HSD17B11: variants seen among roughly 807,000 people sequenced by gnomAD.
The protein encoded by HSD17B11 is hydroxysteroid 17-beta dehydrogenase 11, also known as estradiol 17-beta-dehydrogenase 11.
HSD17B11 carries 22 observed loss-of-function variants against 27.8 expected under a neutral mutation model. That is an observed-to-expected ratio of 0.79 (90% CI 0.56 to 1.13). HSD17B11 has a LOEUF of 1.13. Ranked by LOEUF, HSD17B11 falls within the 50% of genes most tolerant of loss-of-function variation. HSD17B11 has a pLI of 0.00. For synonymous variants in HSD17B11, 117 were observed against 132.8 expected (o/e 0.88, Z 0.82); for missense variants, 314 against 351.1 (o/e 0.89, Z 0.84).
chr4:87,382,417 G>A (rs1312533153), intron 1 of HSD17B11, 55 bp from the exon 2 acceptor site: 29 of 1,007,838 alleles, frequency 2.9e-5, no homozygotes, highest in East Asian at 1.9e-4. Flanking sequence ...ATATTATATC[G>A]ACAGCTGAAA....
intron 1 of HSD17B11, chr4:87,385,746 T>A (rs1005883611): frequency 6.6e-6 from 1 of 151,920 alleles, no homozygotes; most frequent in Non-Finnish European, 1.5e-5. Context: ...AAACCCTGCC[T>A]CTACTAAAAA....
At chr4:87,382,710 T>C (rs1720207913) in intron 1 of HSD17B11, among the ~76,000 whole-genome samples, 1 of 152,232 alleles carries the variant, frequency 6.6e-6, no homozygotes, top group South Asian at 2.1e-4. Flanking sequence ...CTTTTTTCCA[T>C]GTCATTAAAA....
intron 2 of HSD17B11, among the ~76,000 whole-genome samples, chr4:87,378,871 T>TACATAAATATATATATATAA (rs1720014115): frequency 3.8e-5 from 1 of 26,238 alleles, no homozygotes; most frequent in Non-Finnish European, 5.8e-5. Context: ...TATATAAATA[T>TACATAAATATATATATATAA]ATATATATAA....
At chr4:87,376,297 G>A (rs1478661008) in intron 2 of HSD17B11, among the ~76,000 whole-genome samples, 2 of 152,136 alleles carry the variant, frequency 1.3e-5, no homozygotes, top group Admixed American at 6.5e-5. Context: ...TTGAGGTCAG[G>A]AATCGGAGAC....
At position 87,382,307 on chromosome 4, in the gene HSD17B11, G is replaced by C; in HGVS notation, c.266C>G (p.Thr89Ser). 6.2e-7 allele frequency: 1 copy of C among 1,613,952 alleles called. No homozygotes were observed. Among genetic ancestry groups the C allele is most frequent in the Non-Finnish European group, 8.5e-7 (1 of 1,179,928 alleles). ...TCGGTTGCTGCAGTCTACCACAAAGGTATGAACCTTGGCACCCAGTCCCTT... is the reference window on the plus strand; with the variant it reads ...TCGGTTGCTGCAGTCTACCACAAAGCTATGAACCTTGGCACCCAGTCCCTT... ...KCKGLGAKVHTFVVDCSNRED... is the reference protein window; with the variant it reads ...KCKGLGAKVHSFVVDCSNRED... Residue 89 changes from threonine (T) to serine (S), a missense_variant, in exon 2 of 7, where the codon ACC (threonine) becomes AGC (serine). Transcript: ENST00000358290.
intron 4 of HSD17B11, among the ~76,000 whole-genome samples, chr4:87,369,941 A>G (rs1035902070): frequency 6.6e-6 from 1 of 152,248 alleles, no homozygotes; most frequent in Non-Finnish European, 1.5e-5. Context: ...ATTTTAGAAT[A>G]GAATCAAAAG....
Position 87,337,190 on chromosome 4 carries a change from A to G in HSD17B11, c.*86T>C. On this transcript the variant is annotated 3_prime_UTR_variant, in exon 7 of 7. Coordinates refer to ENST00000358290, the MANE Select transcript of HSD17B11 (RefSeq NM_016245.5). Reference sequence around the variant, plus strand: ...TTGAAGAAATGGGGATAATTAGAAAAAACAGAAGTTCAAACATTAAAATTC... The same window carrying G: ...TTGAAGAAATGGGGATAATTAGAAAGAACAGAAGTTCAAACATTAAAATTC... 2 of 845,168 alleles carry G rather than the reference A, an allele frequency of 2.4e-6. No homozygotes were observed. The highest frequency in any genetic ancestry group is 4.0e-6 in the Non-Finnish European group (2 of 499,126). The allele number at this position is 845,168 out of a possible 1,614,324, so 52.4% of individuals were successfully genotyped here.
At chr4:87,365,658 G>A (rs1235107070) in intron 4 of HSD17B11, among the ~76,000 whole-genome samples, 1 of 152,038 alleles carries the variant, frequency 6.6e-6, no homozygotes, top group African/African-American at 2.4e-5. Flanking sequence ...AATAAAAGTT[G>A]CTAGAAGTTA....
At position 87,341,237 on chromosome 4, in the gene HSD17B11, T is replaced by C. The variant is rs570243570; in HGVS notation, c.696-631A>G. Among the ~76,000 whole-genome samples, 7 of 152,210 alleles carry C rather than the reference T, an allele frequency of 4.6e-5. No homozygotes were observed. In the East Asian group the frequency reaches 1.4e-3, roughly 29 times the overall value. Reference sequence around the variant, plus strand: ...CCCAGGCTGGAGTGCAGTGGTGAGATCTTGGCTCACTGCAACCTCCACCTA... The same window carrying C: ...CCCAGGCTGGAGTGCAGTGGTGAGACCTTGGCTCACTGCAACCTCCACCTA... On this transcript the variant is annotated intron_variant, in intron 5 of 6. Transcript: ENST00000358290.
chr4:87,362,901 T>C (rs1735543133), intron 4 of HSD17B11, among the ~76,000 whole-genome samples: 1 of 152,224 alleles, frequency 6.6e-6, no homozygotes, highest in African/African-American at 2.4e-5. Context: ...CAGGCAATAC[T>C]TTCCGTCTCT....
intron 2 of HSD17B11, among the ~76,000 whole-genome samples, chr4:87,379,300 A>ATATTTC (rs944741784): frequency 6.6e-6 from 1 of 150,852 alleles, no homozygotes; most frequent in Admixed American, 6.6e-5. Context: ...TCCAGCAGAT[A>ATATTTC]TATTTCTATA....
intron 5 of HSD17B11, among the ~76,000 whole-genome samples, chr4:87,346,228 G>A (rs191107769): frequency 2.0e-4 from 31 of 152,232 alleles, no homozygotes; most frequent in Admixed American, 3.3e-4. Flanking sequence ...ACGTTCCTTC[G>A]TGATAAAAAC....
intron 3 of HSD17B11, 119 bp downstream of exon 3, chr4:87,374,580 C>A: frequency 1.1e-6 from 1 of 875,474 alleles, no homozygotes; most frequent in Admixed American, 2.7e-5. Context: ...ATAATGTTAT[C>A]CCTGGTGCCT....
chr4:87,388,043 A>G (rs920014965), intron 1 of HSD17B11, among the ~76,000 whole-genome samples: 4 of 152,126 alleles, frequency 2.6e-5, no homozygotes, highest in South Asian at 4.1e-4. Context: ...CCAGAGTAAA[A>G]AGCCAAAATA....
At chr4:87,378,831 A>AAT (rs370260155) in intron 2 of HSD17B11, among the ~76,000 whole-genome samples, 15 of 21,910 alleles carry the variant, frequency 6.8e-4, no homozygotes, top group Admixed American at 3.8e-3. Flanking sequence ...TATATATATA[A>AAT]ATATATATAT....
chr4:87,363,913 T>C (rs1248880286), intron 4 of HSD17B11, among the ~76,000 whole-genome samples: 2 of 152,184 alleles, frequency 1.3e-5, no homozygotes, highest in African/African-American at 2.4e-5. Flanking sequence ...GGAGTTTACC[T>C]TTGGTAAAGT....
intron 4 of HSD17B11, among the ~76,000 whole-genome samples, chr4:87,360,845 C>T (rs1241858161): frequency 1.3e-5 from 2 of 152,062 alleles, no homozygotes; most frequent in African/African-American, 4.8e-5. Context: ...ACTAGTGGCA[C>T]GTATGTGCAG....
rs1247051947 is a variant in HSD17B11 at position 87,379,660 on chromosome 4, TTA to T, written c.318+2593_318+2594del. 2.1e-5 allele frequency among the ~76,000 whole-genome samples: 3 copies of T among 145,028 alleles called. No homozygotes were observed. In the East Asian group the frequency reaches 5.9e-4, roughly 28 times the overall value. ...CATATTATATGTATATGTATGTATA[TTA>T]TATATTAATAGTATAATATAGTATT... On this transcript the variant is annotated intron_variant, in intron 2 of 6. Transcript: ENST00000358290.
rs775876659 is a variant in HSD17B11 at position 87,390,911 on chromosome 4, A to T, written c.160T>A (p.Tyr54Asn). 43 of 1,614,084 alleles carry T rather than the reference A, an allele frequency of 2.7e-5. No individual in the cohort carries two copies. The highest frequency in any genetic ancestry group is 8.3e-5 in the Admixed American group (5 of 60,008). Residue 54 changes from tyrosine (Y) to asparagine (N), a missense_variant, in exon 1 of 7, where the codon TAT becomes AAT. Transcript: ENST00000358290. ...TTGCTTTTAAGTTTAGCAAATTCAT[A>T]GGCAGTCAGTCTCCCAATTCCATGC... is the stretch of plus-strand genomic sequence containing the variant. Reference protein sequence around the residue: ...AGHGIGRLTAYEFAKLKSKLV... With the variant: ...AGHGIGRLTANEFAKLKSKLV...
Sources: allele counts gnomAD v4.1 joint callset (sites outside exome capture counted in the v4.1 genomes callset), GRCh38; gene constraint gnomAD v4.1.1; transcripts MANE v1.5; gene names NCBI Gene and HGNC (gene_info 2026-07-23, HGNC 2026-07-21).